Variants in ZNF846 observed in about 807,000 individuals in gnomAD.
The protein encoded by ZNF846 is zinc finger protein 846.
A neutral mutation model predicts 16.0 loss-of-function variants in ZNF846; 15 were observed. The observed-to-expected ratio is 0.94, with a 90% CI of 0.63 to 1.45. ZNF846 has a LOEUF of 1.45. ZNF846 is among the 40% of genes most tolerant of loss of function. ZNF846 has a pLI of 0.00. For missense variants in ZNF846, 714 were observed against 622.3 expected (o/e 1.15, Z -1.57); for synonymous variants, 229 against 212.0 (o/e 1.08, Z -0.70).
exon 6 of ZNF846, chr19:9,758,618 C>A: frequency 3.1e-6 from 5 of 1,613,060 alleles, no homozygotes; most frequent in Non-Finnish European, 4.2e-6. Flanking sequence ...GAGGAAAGTT[C>A]TTTCTTAAGG....
At chr19:9,750,564 G>A (rs1401918933), downstream of ZNF846, among the ~76,000 whole-genome samples, 3 of 152,120 alleles carry the variant, frequency 2.0e-5, no homozygotes, top group Admixed American at 2.0e-4. Flanking sequence ...AACTGGATGG[G>A]CACATGTACT....
intron 2 of ZNF846, among the ~76,000 whole-genome samples, chr19:9,763,768 C>T (rs138625264): frequency 1.8e-3 from 269 of 152,328 alleles, no homozygotes; most frequent in Admixed American, 4.0e-3. Flanking sequence ...ATCTCCATCC[C>T]TTTCTTACAA....
At chr19:9,758,121 A>G in exon 6 of ZNF846, 1 of 1,613,616 alleles carries the variant, frequency 6.2e-7, no homozygotes, top group African/African-American at 1.3e-5. Context: ...GGATCTAGTG[A>G]AGGCTTTTCC....
rs57809806 is a variant in ZNF846 at position 9,777,668 on chromosome 19, C to CAAAAAA, written c.-86+8264_-86+8269dup. ...CCTGGCAACAAAGTGAGACTCTGTC[C>CAAAAAA]AAAAAAAAAAATTTAAACAATTGGA... On this transcript the variant is annotated intron_variant, in intron 1 of 4. Transcript: ENST00000586814. Among the ~76,000 whole-genome samples the CAAAAAA allele has an allele frequency of 6.2e-3, 894 of 143,780 alleles. 16 individuals carry two copies. The highest frequency in any genetic ancestry group is 0.022 in the African/African-American group (832 of 37,888). The allele number at this position is 143,780 out of a possible 152,430, so 94.3% of individuals were successfully genotyped here. A position where few individuals can be genotyped will look rare whatever the true frequency, so the allele number is the denominator to read the frequency against.
chr19:9,774,146 A>G (rs945771569), intron 1 of ZNF846, among the ~76,000 whole-genome samples: 3 of 152,216 alleles, frequency 2.0e-5, no homozygotes, highest in Admixed American at 6.5e-5. Flanking sequence ...TCATATAGAT[A>G]GCAATTCTTA....
rs2045178127 is a variant in ZNF846 at position 9,758,891 on chromosome 19, A to T, written c.313-127T>A. 8.7e-6 allele frequency: 7 copies of T among 805,730 alleles called. No homozygotes were observed. The South Asian group carries it at 1.4e-4, about 16-fold the overall frequency. The allele number at this position is 805,730 out of a possible 1,614,324, so 49.9% of individuals were successfully genotyped here. ...ATTTTAACATATCCATTATATGTAC[A>T]GAGTTCCAGCCCCATTTTTGAGTTA... On this transcript the variant is annotated intron_variant, in intron 5 of 5. Transcript: ENST00000397902.
chr19:9,779,363 G>A (rs1397809369), intron 1 of ZNF846, among the ~76,000 whole-genome samples: 1 of 152,002 alleles, frequency 6.6e-6, no homozygotes, highest in Non-Finnish European at 1.5e-5. Flanking sequence ...CCGCCTCCCG[G>A]GTTCAAGCGA....
In ZNF846 at chr19:9,762,541, G is replaced by A. The variant is rs1156716507; in HGVS notation, c.143-373C>T. The A allele has an allele frequency of 2.4e-5, 4 of 169,806 alleles. No homozygotes were observed. The East Asian group carries it at 5.2e-4, about 22-fold the overall frequency. 10.5% of individuals were successfully genotyped at this position (169,806 alleles called of 1,614,324 possible). ...TGGTCCCAGCTACTCAGAAGGTTGAGGCAGAAGAATTGCTTGAGCCTGGAA... is the reference window on the plus strand; with the variant it reads ...TGGTCCCAGCTACTCAGAAGGTTGAAGCAGAAGAATTGCTTGAGCCTGGAA... On this transcript the variant is annotated intron_variant, in intron 3 of 5. Transcript: ENST00000397902.
intron 1 of ZNF846, among the ~76,000 whole-genome samples, chr19:9,785,018 A>C (rs536491177): frequency 6.6e-6 from 1 of 152,098 alleles, no homozygotes; most frequent in Admixed American, 6.5e-5. Context: ...TAACAGTCTG[A>C]TCTCTCTTTT....
exon 6 of ZNF846, chr19:9,758,321 C>T: frequency 6.2e-7 from 1 of 1,613,510 alleles, no homozygotes; most frequent in Non-Finnish European, 8.5e-7. Flanking sequence ...AGACATAGGG[C>T]TTCTCTCCAC....
At chr19:9,764,194 G>C (rs2045277630) in intron 2 of ZNF846, among the ~76,000 whole-genome samples, 1 of 152,184 alleles carries the variant, frequency 6.6e-6, no homozygotes, top group Non-Finnish European at 1.5e-5. Flanking sequence ...TCTTGTCACG[G>C]CTCTTGTAGG....
chr19:9,757,815 G>C (rs746228840), exon 6 of ZNF846: 9 of 1,613,424 alleles, frequency 5.6e-6, no homozygotes, highest in Non-Finnish European at 7.6e-6. Context: ...GCATTCATAT[G>C]GCTTCTCTCC....
chr19:9,754,552 G>C (rs545487078), downstream of ZNF846, among the ~76,000 whole-genome samples: 5 of 113,036 alleles, frequency 4.4e-5, no homozygotes, highest in African/African-American at 2.2e-4. Flanking sequence ...GCGACAGAGC[G>C]AGACTCTGTC....
upstream of ZNF846, among the ~76,000 whole-genome samples, chr19:9,772,001 C>A (rs1031842462): frequency 6.6e-6 from 1 of 151,564 alleles, no homozygotes; most frequent in Non-Finnish European, 1.5e-5. Flanking sequence ...CTCTTGACCT[C>A]GTGATCCACC....
chr19:9,752,589 T>C (rs1204871917), downstream of ZNF846: 1 of 133,712 alleles, frequency 7.5e-6, no homozygotes, highest in African/African-American at 2.9e-5. Context: ...CATTCCAGCC[T>C]GGGGAACAAA....
chr19:9,772,089 T>A (rs538645892), upstream of ZNF846, among the ~76,000 whole-genome samples: 28 of 152,260 alleles, frequency 1.8e-4, no homozygotes, highest in African/African-American at 6.7e-4. Context: ...TTTAAGACTA[T>A]GTCCCATTCA....
chr19:9,755,934 G>A (rs1369256339), downstream of ZNF846, among the ~76,000 whole-genome samples: 3 of 141,554 alleles, frequency 2.1e-5, no homozygotes, highest in Non-Finnish European at 3.0e-5. Context: ...TCTGTCTCCT[G>A]GGTTCACACA....
downstream of ZNF846, among the ~76,000 whole-genome samples, chr19:9,753,075 T>G (rs1356331072): frequency 6.6e-6 from 1 of 151,552 alleles, no homozygotes; most frequent in African/African-American, 2.4e-5. Context: ...AGAAGTGGCA[T>G]GAAATATCTT....
exon 6 of ZNF846, chr19:9,757,684 G>C (rs2045154148): frequency 6.2e-7 from 1 of 1,613,396 alleles, no homozygotes; most frequent in South Asian, 1.1e-5. Context: ...TGCATATTAA[G>C]ATTTGTGGAA....
Sources: allele counts gnomAD v4.1 joint callset (sites outside exome capture counted in the v4.1 genomes callset), GRCh38; gene constraint gnomAD v4.1.1; transcripts MANE v1.5; gene names NCBI Gene and HGNC (gene_info 2026-07-23, HGNC 2026-07-21).